PARD3B: variants seen among roughly 807,000 people sequenced by gnomAD.
The protein encoded by PARD3B is par-3 family cell polarity regulator beta.
Under a neutral mutation model 130.2 loss-of-function variants are expected in PARD3B, and 103 were observed. The ratio of observed to expected loss-of-function variants is 0.79; its 90% CI spans 0.67 to 0.93. The LOEUF (loss-of-function observed/expected upper bound fraction) is 0.93, where lower values mean the gene tolerates loss of function less well. Ranked by LOEUF, PARD3B falls within the 40% of genes least tolerant of loss-of-function variation. The probability of loss-of-function intolerance (pLI) is 0.00; values close to 1 mark genes in which losing one functional copy is unlikely to be tolerated. For missense variants in PARD3B, 1,609 were observed against 1,499.2 expected, an observed-to-expected ratio of 1.07 and a Z score of -1.21; for synonymous variants, 583 against 553.2, an observed-to-expected ratio of 1.05 and a Z score of -0.76.
chr2:204,966,588 A>C (rs1167609574), intron 3 of PARD3B, among the ~76,000 whole-genome samples: 1 of 152,224 alleles, frequency 6.6e-6, no homozygotes, highest in Non-Finnish European at 1.5e-5. Context: ...ATAAGCAAGC[A>C]CTGTGGTCTT....
intron 18 of PARD3B, among the ~76,000 whole-genome samples, chr2:205,337,125 T>C (rs1216211871): frequency 6.6e-6 from 1 of 152,226 alleles, no homozygotes; most frequent in Non-Finnish European, 1.5e-5. Flanking sequence ...GTATAGACAA[T>C]TCCAAATTTA....
intron 1 of PARD3B, among the ~76,000 whole-genome samples, chr2:204,622,305 G>T (rs573105842): frequency 1.3e-5 from 2 of 152,088 alleles, no homozygotes; most frequent in African/African-American, 4.8e-5. Flanking sequence ...CTTCCACAAA[G>T]CCCAACATCA....
intron 2 of PARD3B, among the ~76,000 whole-genome samples, chr2:204,691,049 A>C (rs2037330236): frequency 6.6e-6 from 1 of 152,150 alleles, no homozygotes; most frequent in Non-Finnish European, 1.5e-5. Context: ...TTGTTCACTT[A>C]TCAGTTTCTC....
At chr2:205,189,524 C>T (rs1486164475) in intron 14 of PARD3B, among the ~76,000 whole-genome samples, 1 of 152,186 alleles carries the variant, frequency 6.6e-6, no homozygotes, top group East Asian at 1.9e-4. Flanking sequence ...TGTCAACTTC[C>T]AGCTTCCAAC....
rs1475341292 is a variant in PARD3B, at chr2:205,405,966, G to C, written c.2741+4843G>C. On this transcript the variant is annotated intron_variant, in intron 19 of 22. Transcript: ENST00000406610. The surrounding 1 kb of genome is among the most constrained non-coding windows in gnomAD (Gnocchi z 4.1). Reference sequence around the variant, plus strand: ...CTGGTCCTAAGCTACATTACTGGAAGTTCATGTACAAAATAAAGGAAGCAA... The same window carrying C: ...CTGGTCCTAAGCTACATTACTGGAACTTCATGTACAAAATAAAGGAAGCAA... Among the ~76,000 whole-genome samples, 2 of 152,168 alleles carry C rather than the reference G, an allele frequency of 1.3e-5. No individual in the cohort carries two copies. Among genetic ancestry groups the C allele is most frequent in the Non-Finnish European group, 2.9e-5 (2 of 68,032 alleles).
At chr2:204,912,764 G>A (rs2047288506) in intron 2 of PARD3B, among the ~76,000 whole-genome samples, 2 of 152,140 alleles carry the variant, frequency 1.3e-5, no homozygotes, top group African/African-American at 4.8e-5. Context: ...AAAAAATTAA[G>A]AGGTATTAGT....
At chr2:204,716,089 T>C (rs911119837) in intron 2 of PARD3B, among the ~76,000 whole-genome samples, 1 of 152,200 alleles carries the variant, frequency 6.6e-6, no homozygotes, top group South Asian at 2.1e-4. Context: ...TAATTATTAA[T>C]TGCATTTGTA....
intron 1 of PARD3B, among the ~76,000 whole-genome samples, chr2:204,604,583 A>G (rs2033641016): frequency 6.6e-6 from 1 of 152,146 alleles, no homozygotes; most frequent in South Asian, 2.1e-4. Flanking sequence ...ATGACTGAGT[A>G]TTTAAACTTT....
intron 2 of PARD3B, among the ~76,000 whole-genome samples, chr2:204,947,892 TATC>T (rs1689460447): frequency 6.6e-6 from 1 of 152,178 alleles, no homozygotes; most frequent in Non-Finnish European, 1.5e-5. Flanking sequence ...AGAGCAGAAA[TATC>T]ATAATCATAA....
At position 205,074,460 on chromosome 2, in the gene PARD3B, A is replaced by T. The variant is rs147314203; in HGVS notation, c.504+26770A>T. On this transcript the variant is annotated intron_variant, in intron 4 of 22. Transcript: ENST00000406610. ...TAGTTTATGGAACGACTTCAGAAAA[A>T]CTATCGTATGTCATCTATTGCCTGT... is the stretch of plus-strand genomic sequence containing the variant. Among the ~76,000 whole-genome samples the T allele has an allele frequency of 5.6e-3, 858 of 152,274 alleles. 8 individuals carry two copies. The highest frequency in any genetic ancestry group is 0.02 in the African/African-American group (823 of 41,550).
intron 22 of PARD3B, among the ~76,000 whole-genome samples, chr2:205,561,604 A>G (rs1341619934): frequency 6.6e-6 from 1 of 152,194 alleles, no homozygotes; most frequent in Non-Finnish European, 1.5e-5. Context: ...ATGTTCTACC[A>G]GAGTTTGAGG....
intron 1 of PARD3B, among the ~76,000 whole-genome samples, chr2:204,663,301 A>G (rs571075761): frequency 6.6e-6 from 1 of 152,292 alleles, no homozygotes; most frequent in Admixed American, 6.5e-5. Flanking sequence ...TGAGCTCTGC[A>G]TGGACACATC....
intron 14 of PARD3B, among the ~76,000 whole-genome samples, chr2:205,192,088 T>C (rs2036429912): frequency 1.3e-5 from 2 of 152,202 alleles, no homozygotes; most frequent in Admixed American, 6.5e-5. Flanking sequence ...TTGGCAATAC[T>C]ATTATTGCTG....
At position 205,015,506 on chromosome 2, in the gene PARD3B, A is replaced by G. The variant is rs1258742879; in HGVS notation, c.395-32075A>G. ...TCCTAGAAGATAGGGATGATGTGTTATTCATATAGGTATAACCCAGTCTTG... is the reference window on the plus strand; with the variant it reads ...TCCTAGAAGATAGGGATGATGTGTTGTTCATATAGGTATAACCCAGTCTTG... On this transcript the variant is annotated intron_variant, in intron 3 of 22. Transcript: ENST00000406610. The surrounding 1 kb of genome is among the most constrained non-coding windows in gnomAD (Gnocchi z 4.5). 6.6e-6 allele frequency among the ~76,000 whole-genome samples: 1 copy of G among 152,178 alleles called. No homozygotes were observed. Among genetic ancestry groups the G allele is most frequent in the East Asian group, 1.9e-4 (1 of 5,198 alleles).
chr2:205,010,285 A>C (rs1026793886), intron 3 of PARD3B, among the ~76,000 whole-genome samples: 4 of 152,210 alleles, frequency 2.6e-5, no homozygotes, highest in African/African-American at 7.2e-5. Flanking sequence ...CAAGCATGTC[A>C]GTTCACCAGC....
intron 20 of PARD3B, among the ~76,000 whole-genome samples, chr2:205,490,967 T>C (rs1359211345): frequency 6.6e-6 from 1 of 152,238 alleles, no homozygotes; most frequent in African/African-American, 2.4e-5. Flanking sequence ...GTTTTTTTCT[T>C]GTAAATGTGT....
intron 2 of PARD3B, among the ~76,000 whole-genome samples, chr2:204,822,430 T>A (rs59451909): frequency 0.027 from 4,176 of 152,282 alleles, 189 homozygotes; most frequent in African/African-American, 0.092. Context: ...TTTAGAATAT[T>A]TCATAAACTG....
At chr2:204,562,039 T>G (rs1471620792) in intron 1 of PARD3B, among the ~76,000 whole-genome samples, 1 of 152,218 alleles carries the variant, frequency 6.6e-6, no homozygotes, top group African/African-American at 2.4e-5. Flanking sequence ...TTTGCCTGCA[T>G]GACTCAGTAT....
At chr2:204,849,459 C>T (rs2044617277) in intron 2 of PARD3B, among the ~76,000 whole-genome samples, 1 of 152,194 alleles carries the variant, frequency 6.6e-6, no homozygotes, top group African/African-American at 2.4e-5. Flanking sequence ...GTTTGAGGCA[C>T]TGAATTCTAA....
Sources: allele counts gnomAD v4.1 joint callset (sites outside exome capture counted in the v4.1 genomes callset), GRCh38; gene constraint gnomAD v4.1.1; non-coding constraint Gnocchi (gnomAD v3.1); transcripts MANE v1.5; gene names NCBI Gene and HGNC (gene_info 2026-07-23, HGNC 2026-07-21).